Variants in VMP1 observed in about 807,000 individuals in gnomAD.
The protein encoded by VMP1 is ectopic P-granules autophagy protein 3 homolog.
VMP1 carries 11 observed loss-of-function variants against 56.0 expected under a neutral mutation model. That is an observed-to-expected ratio of 0.20 (90% CI 0.12 to 0.32). The LOEUF (loss-of-function observed/expected upper bound fraction) is 0.32. Among genes scored for constraint, VMP1 ranks in the 10% least tolerant of loss-of-function variants. VMP1 has a pLI of 1.00. For synonymous variants in VMP1, 149 were observed against 165.0 expected, an observed-to-expected ratio of 0.90 and a Z score of 0.74; for missense variants, 296 against 490.3, an observed-to-expected ratio of 0.60 and a Z score of 3.74.
chr17:59,792,965 A>G (rs2037297315), intron 7 of VMP1, among the ~76,000 whole-genome samples: 1 of 94,742 alleles, frequency 1.1e-5, no homozygotes. Context: ...TGGAAGGATC[A>G]CTTGGAGCCC....
At position 59,735,413 on chromosome 17, in the gene VMP1, T is replaced by A. The variant is rs2034981302; in HGVS notation, c.152T>A (p.Leu51His). 2 of 1,614,078 alleles carry A rather than the reference T, an allele frequency of 1.2e-6. No individual in the cohort carries two copies. The highest frequency in any genetic ancestry group is 8.5e-7 in the Non-Finnish European group (1 of 1,180,042). The stretch of plus-strand genomic sequence containing the variant: ...AATATTGTCCTGTGGAGACAGCCGC[T>A]CATTACCTTGCAGTATTTTTCTCTG... Reference protein sequence around the residue: ...RQNIVLWRQPLITLQYFSLEI... With the variant: ...RQNIVLWRQPHITLQYFSLEI... The change falls in exon 3 of 12, where the codon CTC becomes CAC. Residue 51 changes from leucine (L) to histidine (H), a missense_variant. By Grantham distance (99) the Leu-to-His change is moderately conservative. Coordinates refer to ENST00000262291, the MANE Select transcript of VMP1 (RefSeq NM_030938.5).
chr17:59,720,961 G>T (rs914593178), intron 1 of VMP1, among the ~76,000 whole-genome samples: 4 of 150,980 alleles, frequency 2.6e-5, no homozygotes, highest in Non-Finnish European at 5.9e-5. Flanking sequence ...CAACAAGAGC[G>T]AAACTCCATC....
At chr17:59,754,545 T>C (rs2035766456) in intron 5 of VMP1, among the ~76,000 whole-genome samples, 3 of 152,198 alleles carry the variant, frequency 2.0e-5, no homozygotes, top group Non-Finnish European at 4.4e-5. Flanking sequence ...ATTGCTTTAT[T>C]GCTCATTTGT....
At chr17:59,765,953 GT>G (rs1448830603) in intron 6 of VMP1, among the ~76,000 whole-genome samples, 1 of 151,146 alleles carries the variant, frequency 6.6e-6, no homozygotes, top group Non-Finnish European at 1.5e-5. Flanking sequence ...GTAATATATA[GT>G]TATATATAAA....
intron 5 of VMP1, among the ~76,000 whole-genome samples, chr17:59,752,030 C>T (rs1162452190): frequency 2.0e-5 from 3 of 152,028 alleles, no homozygotes; most frequent in Non-Finnish European, 4.4e-5. Flanking sequence ...CCAGGCTGGT[C>T]TCAAACTCCT....
intron 7 of VMP1, among the ~76,000 whole-genome samples, chr17:59,801,106 ATATATATGTGTGTGTGTG>A (rs2037636269): frequency 1.6e-5 from 2 of 128,196 alleles, no homozygotes; most frequent in African/African-American, 7.9e-5. Flanking sequence ...ATATATATAT[ATATATATGTGTGTGTGTG>A]TGTGTGTGTG....
At position 59,780,828 on chromosome 17, in the gene VMP1, T is replaced by G. The variant is rs560632502; in HGVS notation, c.714+6943T>G. On this transcript the variant is annotated intron_variant, in intron 7 of 11. Coordinates refer to ENST00000262291, the MANE Select transcript of VMP1 (RefSeq NM_030938.5). ...GTCTCGAACTACTGACCTCAGGTGA[T>G]CCACCCGCCTGGGCCTCCCAGAGTG... Among the ~76,000 whole-genome samples, 7 of 152,260 alleles carry G rather than the reference T, an allele frequency of 4.6e-5. No individual in the cohort carries two copies. In the South Asian group the frequency reaches 1.2e-3, roughly 27 times the overall value.
chr17:59,764,889 GTAAT>G, intron 5 of VMP1, 78 bp from the exon 6 acceptor site: 1 of 1,055,942 alleles, frequency 9.5e-7, no homozygotes, highest in South Asian at 3.3e-5. Context: ...TTCTTACACA[GTAAT>G]TAATATATTT....
At chr17:59,774,807 C>G (rs1341221184) in intron 7 of VMP1, among the ~76,000 whole-genome samples, 1 of 151,988 alleles carries the variant, frequency 6.6e-6, no homozygotes, top group Non-Finnish European at 1.5e-5. Context: ...GCTTCAAACT[C>G]TTAGGCTCCA....
At chr17:59,765,800 A>G (rs78210420) in intron 6 of VMP1, among the ~76,000 whole-genome samples, 210 of 152,150 alleles carry the variant, frequency 1.4e-3, no homozygotes, top group African/African-American at 4.8e-3. Flanking sequence ...ACCCATTATC[A>G]CTTGTACTGG....
At chr17:59,838,011 G>T in intron 10 of VMP1, 1 of 247,172 alleles carries the variant, frequency 4.0e-6, no homozygotes, top group East Asian at 8.3e-5. Flanking sequence ...TGCTGGAAGC[G>T]GTTTCTGATT....
Position 59,799,855 on chromosome 17 carries a change from C to T in VMP1, c.715-8941C>T, listed in dbSNP as rs1437587056. ...GCAGGCCCCTGTAGTCCCAGCTACT[C>T]GGGAGGCTGAGGCAGGAGAATCACT... On this transcript the variant is annotated intron_variant, in intron 7 of 11. Coordinates refer to ENST00000262291, the MANE Select transcript of VMP1 (RefSeq NM_030938.5). 5.4e-5 allele frequency among the ~76,000 whole-genome samples: 8 copies of T among 148,454 alleles called. No individual in the cohort carries two copies. The East Asian group carries it at 1.4e-3, about 26-fold the overall frequency.
intron 10 of VMP1, among the ~76,000 whole-genome samples, chr17:59,824,668 T>A (rs1330768337): frequency 1.6e-5 from 2 of 128,722 alleles, no homozygotes; most frequent in East Asian, 2.4e-4. Context: ...AGGTCAGGAG[T>A]TCAAGACCAG....
chr17:59,816,572 G>C (rs1405311238), intron 9 of VMP1, among the ~76,000 whole-genome samples: 1 of 152,164 alleles, frequency 6.6e-6, no homozygotes. Flanking sequence ...TTGGGAGGCT[G>C]AGGTGGGCAG....
chr17:59,785,195 A>G (rs2036966281), intron 7 of VMP1, among the ~76,000 whole-genome samples: 1 of 152,188 alleles, frequency 6.6e-6, no homozygotes, highest in Non-Finnish European at 1.5e-5. Flanking sequence ...ATTTACTTAC[A>G]AGAATATGTT....
At chr17:59,735,853 T>C (rs1482286288) in intron 3 of VMP1, 1 of 162,572 alleles carries the variant, frequency 6.2e-6, no homozygotes, top group East Asian at 1.7e-4. Flanking sequence ...GCAGTTTTAC[T>C]GATAGTTTGA....
intron 5 of VMP1, among the ~76,000 whole-genome samples, chr17:59,757,214 ACT>A (rs1363159103): frequency 1.3e-5 from 2 of 151,180 alleles, no homozygotes; most frequent in Non-Finnish European, 2.9e-5. Context: ...ACTACTTAAA[ACT>A]CTTCACTACC....
At chr17:59,764,931 T>G (rs762563281) in intron 5 of VMP1, 40 bp from the exon 6 acceptor site, 1 of 1,423,048 alleles carries the variant, frequency 7.0e-7, no homozygotes, top group African/African-American at 1.4e-5. Flanking sequence ...GATAATTTTT[T>G]AATAGTTCTT....
At chr17:59,793,786 C>T (rs372646855) in intron 7 of VMP1, among the ~76,000 whole-genome samples, 1 of 128,914 alleles carries the variant, frequency 7.8e-6, no homozygotes, top group African/African-American at 2.5e-5. Context: ...ACCACCATGC[C>T]CGTTTAATTT....
Sources: gnomAD v4.1 joint callset for allele counts (sites outside exome capture counted in the v4.1 genomes callset) on GRCh38, gnomAD v4.1.1 for gene constraint, MANE v1.5 for transcripts, NCBI Gene and HGNC (gene_info 2026-07-23, HGNC 2026-07-21) for gene names.